Variants in ITGA9 observed in about 807,000 individuals in gnomAD.
The protein encoded by ITGA9 is integrin subunit alpha 9.
In ITGA9, 56 loss-of-function variants were observed where a neutral mutation model predicts 127.8. The ratio of observed to expected loss-of-function variants is 0.44; its 90% CI spans 0.35 to 0.55. The LOEUF is 0.55. Ranked by LOEUF, ITGA9 falls within the 20% of genes least tolerant of loss-of-function variation. The pLI, the probability that ITGA9 is intolerant of heterozygous loss-of-function variation, is 0.00. For missense variants in ITGA9, 1,196 were observed against 1,347.1 expected (o/e 0.89, Z 1.76); for synonymous variants, 508 against 514.5 (o/e 0.99, Z 0.17).
intron 18 of ITGA9, among the ~76,000 whole-genome samples, chr3:37,724,204 T>G (rs762308): frequency 1.3e-5 from 2 of 151,984 alleles, no homozygotes; most frequent in African/African-American, 4.8e-5. Flanking sequence ...AGCCTTGTCC[T>G]GAAACATCTA....
chr3:37,473,522 A>G, intron 3 of ITGA9, 62 bp downstream of exon 3: 4 of 1,256,612 alleles, frequency 3.2e-6, no homozygotes, highest in South Asian at 2.5e-5. Context: ...ATGATCTGTT[A>G]GGAAGGCTGG....
rs1698558261 is a variant in ITGA9, at chr3:37,481,749, G to T, written c.544+142G>T. ...GGGCAGCACTGTTTGCTCCCAGATGGTCTCTTGGTCCCCAAGGCCCTGCCC... is the reference window on the plus strand; with the variant it reads ...GGGCAGCACTGTTTGCTCCCAGATGTTCTCTTGGTCCCCAAGGCCCTGCCC... On this transcript the variant is annotated intron_variant, in intron 4 of 27. Transcript: ENST00000264741. 1.0e-5 allele frequency: 12 copies of T among 1,177,516 alleles called. No homozygotes were observed. The South Asian group carries it at 1.4e-4, about 13-fold the overall frequency. The allele number at this position is 1,177,516 out of a possible 1,614,324, so 72.9% of individuals were successfully genotyped here.
chr3:37,599,630 G>T lies in ITGA9; in HGVS notation c.1690-29557G>T, dbSNP rs1309848463. ...TATGTAGGGACAGGTAGAACATTGT[G>T]GTCATATGCAGTGGACTGAGCCCAT... On this transcript the variant is annotated intron_variant, in intron 15 of 27. Transcript: ENST00000264741. 2.6e-5 allele frequency among the ~76,000 whole-genome samples: 4 copies of T among 152,156 alleles called. No homozygotes were observed. In the East Asian group the frequency reaches 5.8e-4, roughly 22 times the overall value.
chr3:37,771,574 CCACAGAACTT>C (rs1696843896), intron 23 of ITGA9, among the ~76,000 whole-genome samples: 1 of 151,658 alleles, frequency 6.6e-6, no homozygotes, highest in Admixed American at 6.6e-5. Context: ...AGCGTCTGTA[CCACAGAACTT>C]CACTGGGGCC....
At chr3:37,491,342 T>C (rs943452419) in intron 4 of ITGA9, among the ~76,000 whole-genome samples, 1 of 152,216 alleles carries the variant, frequency 6.6e-6, no homozygotes, top group African/African-American at 2.4e-5. Flanking sequence ...CAAAGCCTGC[T>C]TTTCCCCTGC....
intron 17 of ITGA9, among the ~76,000 whole-genome samples, chr3:37,672,134 G>A (rs1700642139): frequency 6.6e-6 from 1 of 152,176 alleles, no homozygotes; most frequent in Non-Finnish European, 1.5e-5. Flanking sequence ...ACTAGGTTGT[G>A]TATTTAGAGA....
intron 23 of ITGA9, among the ~76,000 whole-genome samples, chr3:37,763,475 C>T (rs879800026): frequency 2.0e-5 from 3 of 152,178 alleles, no homozygotes; most frequent in Non-Finnish European, 4.4e-5. Context: ...TGTGGGGTTC[C>T]GACTGGACAT....
intron 14 of ITGA9, among the ~76,000 whole-genome samples, chr3:37,534,059 A>G (rs1390099968): frequency 6.6e-6 from 1 of 152,164 alleles, no homozygotes; most frequent in East Asian, 1.9e-4. Context: ...GGCTGGGGAA[A>G]ATCAACTTGC....
chr3:37,492,995 A>C (rs967208315), intron 4 of ITGA9, among the ~76,000 whole-genome samples: 1 of 152,248 alleles, frequency 6.6e-6, no homozygotes, highest in Non-Finnish European at 1.5e-5. Context: ...AAGATTCTGC[A>C]GGGAACAAAC....
At chr3:37,674,228 A>G (rs1048838559) in intron 17 of ITGA9, among the ~76,000 whole-genome samples, 2 of 152,238 alleles carry the variant, frequency 1.3e-5, no homozygotes, top group African/African-American at 4.8e-5. Context: ...TTCTGTGACA[A>G]ATCCAGGGGA....
rs148637166 is a variant in ITGA9, at chr3:37,803,886, A to G, written c.2953A>G (p.Ile985Val). The change falls in exon 27 of 28, where the codon ATC (isoleucine) becomes GTC (valine). Residue 985 changes from isoleucine (I) to valine (V), a missense_variant. By Grantham distance (29) the Ile-to-Val change is conservative. Coordinates refer to ENST00000264741, the MANE Select transcript of ITGA9 (RefSeq NM_002207.3). Reference sequence around the variant, plus strand: ...CTACGTCGTGGGGTGGATCATCGCCATCAGTTTGTTGGTGGGAATCCTCAT... The same window carrying G: ...CTACGTCGTGGGGTGGATCATCGCCGTCAGTTTGTTGGTGGGAATCCTCAT... ...RGYVVGWIIA[I>V]SLLVGILIFL... 2 of 1,614,038 alleles carry G rather than the reference A, an allele frequency of 1.2e-6. No individual in the cohort carries two copies. The highest frequency in any genetic ancestry group is 2.7e-5 in the African/African-American group (2 of 74,892).
chr3:37,656,163 C>T (rs1421313985), intron 17 of ITGA9, among the ~76,000 whole-genome samples: 1 of 152,134 alleles, frequency 6.6e-6, no homozygotes, highest in Admixed American at 6.5e-5. Flanking sequence ...TTAGGATTGC[C>T]TTGGCTATAG....
chr3:37,537,741 C>A (rs1374834227), intron 14 of ITGA9, among the ~76,000 whole-genome samples: 1 of 152,202 alleles, frequency 6.6e-6, no homozygotes, highest in Non-Finnish European at 1.5e-5. Context: ...CTCCGGGCCC[C>A]TTGTGTGGCA....
At chr3:37,615,240 C>T (rs900385853) in intron 15 of ITGA9, among the ~76,000 whole-genome samples, 3 of 152,086 alleles carry the variant, frequency 2.0e-5, no homozygotes, top group East Asian at 1.9e-4. Flanking sequence ...GTTTTTGTCG[C>T]TGGTTCTGTT....
chr3:37,645,127 T>C (rs1014854297), intron 16 of ITGA9, among the ~76,000 whole-genome samples: 12 of 152,160 alleles, frequency 7.9e-5, no homozygotes, highest in African/African-American at 2.7e-4. Context: ...CTGGGGGTTA[T>C]AAACATGAAT....
intron 18 of ITGA9, among the ~76,000 whole-genome samples, chr3:37,689,218 A>G (rs907345835): frequency 3.3e-5 from 5 of 152,232 alleles, no homozygotes. Context: ...ATCCCCTGCA[A>G]TGGATTTTTC....
chr3:37,681,534 C>T (rs1227851453), intron 17 of ITGA9, among the ~76,000 whole-genome samples: 7 of 152,144 alleles, frequency 4.6e-5, no homozygotes, highest in South Asian at 2.1e-4. Flanking sequence ...GCTGATGTGC[C>T]GCCCCACCTA....
intron 16 of ITGA9, among the ~76,000 whole-genome samples, chr3:37,634,700 G>T (rs1354323847): frequency 6.6e-6 from 1 of 152,160 alleles, no homozygotes; most frequent in East Asian, 1.9e-4. Flanking sequence ...CATCCAGACA[G>T]AAAATCAATA....
intron 8 of ITGA9, among the ~76,000 whole-genome samples, chr3:37,509,082 A>C (rs1212553837): frequency 6.6e-6 from 1 of 152,174 alleles, no homozygotes; most frequent in Non-Finnish European, 1.5e-5. Flanking sequence ...GTCATTGCCA[A>C]GGTGACTGTT....
Sources: gnomAD v4.1 joint callset for allele counts (sites outside exome capture counted in the v4.1 genomes callset) on GRCh38, gnomAD v4.1.1 for gene constraint, MANE v1.5 for transcripts, NCBI Gene and HGNC (gene_info 2026-07-23, HGNC 2026-07-21) for gene names.